Variants in NEDD4L observed in about 807,000 individuals in gnomAD.
The protein encoded by NEDD4L is E3 ubiquitin-protein ligase NEDD4-like.
In NEDD4L, 54 loss-of-function variants were observed where a neutral mutation model predicts 148.9. The observed-to-expected ratio is 0.36, with a 90% CI of 0.29 to 0.45. The LOEUF is 0.45. Ranked by LOEUF, NEDD4L falls within the 20% of genes least tolerant of loss-of-function variation. The pLI, the probability that NEDD4L is intolerant of heterozygous loss-of-function variation, is 1.00. For synonymous variants in NEDD4L, 433 were observed against 440.7 expected (o/e 0.98, Z 0.22); for missense variants, 856 against 1,233.8 (o/e 0.69, Z 4.59).
At chr18:58,103,313 T>C (rs943581615) in intron 1 of NEDD4L, among the ~76,000 whole-genome samples, 1 of 149,758 alleles carries the variant, frequency 6.7e-6, no homozygotes, top group Non-Finnish European at 1.5e-5. Context: ...TATAGATGGT[T>C]CTGACTTTGC....
intron 16 of NEDD4L, among the ~76,000 whole-genome samples, chr18:58,345,708 TG>T (rs1361074701): frequency 3.9e-5 from 6 of 152,278 alleles, no homozygotes; most frequent in African/African-American, 1.4e-4. Flanking sequence ...CATCAGTATT[TG>T]GATAAAGTTT....
chr18:58,180,100 C>T (rs983750903), intron 2 of NEDD4L, among the ~76,000 whole-genome samples: 2 of 152,236 alleles, frequency 1.3e-5, no homozygotes, highest in African/African-American at 2.4e-5. Flanking sequence ...CATGTTCCTG[C>T]CTGGGCAAAC....
At chr18:58,302,300 G>A (rs990271065) in intron 5 of NEDD4L, among the ~76,000 whole-genome samples, 10 of 152,190 alleles carry the variant, frequency 6.6e-5, no homozygotes, top group African/African-American at 2.4e-4. Flanking sequence ...TGAGGTTAGA[G>A]CACGTTTTTT....
intron 5 of NEDD4L, among the ~76,000 whole-genome samples, chr18:58,314,313 A>C (rs2058029893): frequency 6.6e-6 from 1 of 151,866 alleles, no homozygotes; most frequent in Admixed American, 6.6e-5. Context: ...ATTACTCAGT[A>C]GGCTGAGGCA....
chr18:58,243,447 C>T (rs1322848419), intron 2 of NEDD4L, among the ~76,000 whole-genome samples: 1 of 152,190 alleles, frequency 6.6e-6, no homozygotes, highest in Non-Finnish European at 1.5e-5. Flanking sequence ...GTTCCTGGAT[C>T]AGGAGCCTTG....
intron 1 of NEDD4L, among the ~76,000 whole-genome samples, chr18:58,116,892 G>A (rs1388938049): frequency 6.6e-6 from 1 of 152,272 alleles, no homozygotes; most frequent in Non-Finnish European, 1.5e-5. Context: ...GCTTGGCACA[G>A]CCAGTTCTTT....
intron 2 of NEDD4L, among the ~76,000 whole-genome samples, chr18:58,184,105 G>C (rs1428238028): frequency 2.6e-5 from 4 of 152,150 alleles, no homozygotes; most frequent in Non-Finnish European, 4.4e-5. Flanking sequence ...GGAGGTGGAG[G>C]TTGCAGTGAC....
chr18:58,296,556 G>A, intron 5 of NEDD4L, among the ~76,000 whole-genome samples: 1 of 152,212 alleles, frequency 6.6e-6, no homozygotes, highest in East Asian at 1.9e-4. Context: ...CTGCCAGCGG[G>A]CTCCAGCCTC....
At chr18:58,131,482 C>T (rs1391091740) in intron 1 of NEDD4L, among the ~76,000 whole-genome samples, 542 of 78,340 alleles carry the variant, frequency 6.9e-3, no homozygotes, top group Middle Eastern at 0.037. Context: ...TGGGGTTTGG[C>T]TGTGATCTAG....
chr18:58,341,805 G>A lies in NEDD4L; in HGVS notation c.1377+8G>A, dbSNP rs778530992. 82 of 1,610,790 alleles carry A rather than the reference G, an allele frequency of 5.1e-5. No homozygotes were observed. The highest frequency in any genetic ancestry group is 2.1e-4 in the African/African-American group (16 of 74,952). ...TTATCTGCCCCGCTGGAGGTGAGAC[G>A]GCTACCTCATCTAACTGGACTCACT... On this transcript the variant is annotated splice_region_variant and intron_variant, in intron 15 of 30. Coordinates refer to ENST00000400345, the MANE Select transcript of NEDD4L (RefSeq NM_001144967.3).
chr18:58,214,815 T>TTG (rs1555740339), intron 2 of NEDD4L, among the ~76,000 whole-genome samples: 8 of 127,154 alleles, frequency 6.3e-5, no homozygotes, highest in Middle Eastern at 4.2e-3. Flanking sequence ...TTTTTTTTTT[T>TTG]TTGTTGTTGT....
chr18:58,111,666 A>G (rs188169402), intron 1 of NEDD4L, among the ~76,000 whole-genome samples: 3 of 152,320 alleles, frequency 2.0e-5, no homozygotes, highest in East Asian at 1.9e-4. Context: ...ACATTGTGTT[A>G]TAAAACCATA....
chr18:58,220,979 A>G (rs2043696201), intron 2 of NEDD4L, among the ~76,000 whole-genome samples: 1 of 152,078 alleles, frequency 6.6e-6, no homozygotes, highest in African/African-American at 2.4e-5. Flanking sequence ...GGATCTGAAA[A>G]CTGGGATGCA....
At chr18:58,208,707 A>G (rs2042213799) in intron 2 of NEDD4L, among the ~76,000 whole-genome samples, 1 of 152,218 alleles carries the variant, frequency 6.6e-6, no homozygotes, top group Non-Finnish European at 1.5e-5. Context: ...GCTATTGCAT[A>G]GACAAGGTCA....
intron 1 of NEDD4L, among the ~76,000 whole-genome samples, chr18:58,133,998 T>C (rs1053294754): frequency 1.3e-5 from 2 of 152,054 alleles, no homozygotes; most frequent in African/African-American, 4.8e-5. Flanking sequence ...TCTTTATTTT[T>C]ATTTTTTATT....
chr18:58,099,955 T>A (rs189743934), intron 1 of NEDD4L, among the ~76,000 whole-genome samples: 2 of 151,626 alleles, frequency 1.3e-5, no homozygotes, highest in African/African-American at 4.9e-5. Context: ...TAGCTAATAA[T>A]CAAAGTGCAG....
chr18:58,301,007 C>T (rs142674885), intron 5 of NEDD4L, among the ~76,000 whole-genome samples: 2 of 152,256 alleles, frequency 1.3e-5, no homozygotes, highest in Non-Finnish European at 2.9e-5. Context: ...ATCTTTGAAT[C>T]GCCGAGTCTT....
intron 6 of NEDD4L, 90 bp downstream of exon 6, chr18:58,316,122 C>T (rs2058233788): frequency 5.6e-6 from 6 of 1,076,836 alleles, no homozygotes; most frequent in Non-Finnish European, 8.5e-6. Flanking sequence ...GGCATTTCTT[C>T]ACCACGGTGA....
chr18:58,102,731 A>C (rs1458369255), intron 1 of NEDD4L, among the ~76,000 whole-genome samples: 3 of 152,206 alleles, frequency 2.0e-5, no homozygotes, highest in Non-Finnish European at 4.4e-5. Context: ...GAGATGATTT[A>C]AAGTATATGA....
Sources: gnomAD v4.1 joint callset for allele counts (sites outside exome capture counted in the v4.1 genomes callset) on GRCh38, gnomAD v4.1.1 for gene constraint, MANE v1.5 for transcripts, NCBI Gene and HGNC (gene_info 2026-07-23, HGNC 2026-07-21) for gene names.